Variants in TEX11 observed in about 807,000 individuals in gnomAD.
TEX11 encodes testis-expressed protein 11.
TEX11 carries 7 observed loss-of-function variants against 84.4 expected under a neutral mutation model. The observed-to-expected ratio is 0.08, with a 90% CI of 0.05 to 0.16. The LOEUF (loss-of-function observed/expected upper bound fraction) is 0.16, where lower values mean the gene tolerates loss of function less well. Among genes scored for constraint, TEX11 ranks in the 10% least tolerant of loss-of-function variants. The probability of loss-of-function intolerance (pLI) is 1.00; values close to 1 mark genes in which losing one functional copy is unlikely to be tolerated. For synonymous variants in TEX11, 264 were observed against 222.8 expected (o/e 1.18, Z -1.64); for missense variants, 551 against 660.5 (o/e 0.83, Z 1.82).
At chrX:70,633,481 A>G (rs2089534113) in intron 17 of TEX11, among the ~76,000 whole-genome samples, 1 of 112,061 alleles carries the variant, frequency 8.9e-6, no homozygotes, top group Non-Finnish European at 1.9e-5. Flanking sequence ...GGAAAAAGAT[A>G]AGGATGTCCA....
At position 70,722,642 on chromosome X, in the gene TEX11, G is replaced by A. The variant is rs1391048608; in HGVS notation, c.980C>T (p.Ala327Val). 2 of 1,203,834 alleles carry A rather than the reference G, an allele frequency of 1.7e-6. No individual in the cohort carries two copies. The highest frequency in any genetic ancestry group is 1.8e-5 in the African/African-American group (1 of 56,988). The change falls in exon 13 of 30, where the codon GCT (alanine) becomes GTT (valine). Residue 327 changes from alanine (A) to valine (V), a missense_variant. Ala to Val is a moderately conservative substitution (Grantham distance 64). Transcript: ENST00000374333. ...CCTTTCATGATCCATCAGCAGTTTA[G>A]CAATGTTCAGACAGAAGTCTAAGGG... ...DMPLDFCLNIAKLLMDHERES... is the reference protein window; with the variant it reads ...DMPLDFCLNIVKLLMDHERES...
At chrX:70,528,840 T>TG (rs1181018111), downstream of TEX11, 1 of 350,015 alleles carries the variant, frequency 2.9e-6, no homozygotes, top group Non-Finnish European at 4.9e-6. Flanking sequence ...TTTGTTCAGA[T>TG]GGGGCATAAA....
intron 5 of TEX11, among the ~76,000 whole-genome samples, chrX:70,857,702 T>A (rs1417232312): frequency 8.9e-6 from 1 of 111,874 alleles, no homozygotes; most frequent in Admixed American, 9.5e-5. Context: ...AAAGTGAAAA[T>A]CCTGCAGAAC....
chrX:70,856,678 C>A (rs1329709665), intron 5 of TEX11, among the ~76,000 whole-genome samples: 1 of 110,724 alleles, frequency 9.0e-6, no homozygotes, highest in African/African-American at 3.3e-5. Context: ...TGACAAAAAT[C>A]AAACCTGTAT....
chrX:70,715,555 T>C (rs1233836340), intron 13 of TEX11, among the ~76,000 whole-genome samples: 1 of 112,093 alleles, frequency 8.9e-6, no homozygotes, highest in African/African-American at 3.2e-5. Flanking sequence ...CTTCCACTAC[T>C]GATACCCTTT....
In TEX11 at chrX:70,722,612, C is replaced by G; in HGVS notation, c.1004+6G>C. On this transcript the variant is annotated splice_donor_region_variant and intron_variant, in intron 13 of 29. Coordinates refer to ENST00000374333, the MANE Select transcript of TEX11 (RefSeq NM_031276.3). Reference sequence around the variant, plus strand: ...GTCTTTAGAGAAAGGGAAATCAATTCTGTACCTTTCATGATCCATCAGCAG... The same window carrying G: ...GTCTTTAGAGAAAGGGAAATCAATTGTGTACCTTTCATGATCCATCAGCAG... The G allele has an allele frequency of 1.7e-6, 2 of 1,198,275 alleles. No homozygotes were observed. The highest frequency in any genetic ancestry group is 2.3e-6 in the Non-Finnish European group (2 of 884,800).
chrX:70,702,550 C>A (rs951914610), intron 13 of TEX11, among the ~76,000 whole-genome samples: 2 of 111,774 alleles, frequency 1.8e-5, no homozygotes, highest in African/African-American at 6.5e-5. Context: ...GAACCAAATG[C>A]ATATCTCTGA....
chrX:70,572,679 T>G (rs372658997), intron 25 of TEX11, among the ~76,000 whole-genome samples: 1 of 109,843 alleles, frequency 9.1e-6, no homozygotes, highest in African/African-American at 3.3e-5. Context: ...CCATAAAAAA[T>G]GATGAGTTCA....
At chrX:70,591,928 T>C in intron 24 of TEX11, 105 bp from the exon 25 acceptor site, 1 of 527,387 alleles carries the variant, frequency 1.9e-6, no homozygotes, top group Non-Finnish European at 3.0e-6. Context: ...TAAAAATAAA[T>C]TAATAGAAAA....
At chrX:70,714,198 T>A (rs1424421305) in intron 13 of TEX11, among the ~76,000 whole-genome samples, 2 of 110,597 alleles carry the variant, frequency 1.8e-5, no homozygotes, top group Non-Finnish European at 3.8e-5. Context: ...TGCTGAGGAG[T>A]GCTTTACTTC....
At chrX:70,532,607 G>A (rs777547217) in intron 28 of TEX11, among the ~76,000 whole-genome samples, 1 of 112,316 alleles carries the variant, frequency 8.9e-6, no homozygotes, top group South Asian at 3.7e-4. Context: ...GATGGCACAT[G>A]CCTGTAATCC....
intron 13 of TEX11, among the ~76,000 whole-genome samples, chrX:70,713,757 G>A (rs1410884151): frequency 2.7e-5 from 3 of 111,096 alleles, no homozygotes; most frequent in Admixed American, 9.6e-5. Flanking sequence ...TGGATTCATT[G>A]AGTTTTTGAA....
chrX:70,533,868 C>T (rs777368246), intron 28 of TEX11, among the ~76,000 whole-genome samples: 2 of 109,924 alleles, frequency 1.8e-5, no homozygotes, highest in Non-Finnish European at 3.8e-5. Context: ...CCGAGGTGGG[C>T]GGATCACGAG....
At chrX:70,668,629 T>G (rs2089997088) in intron 16 of TEX11, among the ~76,000 whole-genome samples, 1 of 112,609 alleles carries the variant, frequency 8.9e-6, no homozygotes, top group Admixed American at 9.4e-5. Context: ...ACACCTGGTT[T>G]ACTGTTCTCC....
intron 9 of TEX11, among the ~76,000 whole-genome samples, chrX:70,785,318 A>C (rs1429304535): frequency 1.8e-5 from 2 of 112,115 alleles, no homozygotes; most frequent in African/African-American, 3.2e-5. Context: ...CTTATACAAA[A>C]ATTAATTCAA....
At chrX:70,680,153 G>A (rs2147654872) in intron 14 of TEX11, among the ~76,000 whole-genome samples, 1 of 75,568 alleles carries the variant, frequency 1.3e-5, no homozygotes, top group African/African-American at 4.9e-5. Flanking sequence ...GGGAAAGGTG[G>A]GGAAAAGATT....
intron 9 of TEX11, among the ~76,000 whole-genome samples, chrX:70,789,307 G>A (rs1428629347): frequency 8.9e-6 from 1 of 111,929 alleles, no homozygotes; most frequent in Non-Finnish European, 1.9e-5. Flanking sequence ...TAAAACCACA[G>A]TGAGGGCAGG....
intron 2 of TEX11, among the ~76,000 whole-genome samples, chrX:70,888,607 C>G (rs1315488266): frequency 9.0e-6 from 1 of 111,071 alleles, no homozygotes; most frequent in East Asian, 2.8e-4. Context: ...AAGAGCAAAG[C>G]TAATAGTTAT....
At chrX:70,815,245 G>C (rs1455203061) in intron 8 of TEX11, among the ~76,000 whole-genome samples, 1 of 112,216 alleles carries the variant, frequency 8.9e-6, no homozygotes. Context: ...ATAAAAGTAA[G>C]TATATGCAAA....
Sources: gnomAD v4.1 joint callset for allele counts (sites outside exome capture counted in the v4.1 genomes callset) on GRCh38, gnomAD v4.1.1 for gene constraint, MANE v1.5 for transcripts, NCBI Gene and HGNC (gene_info 2026-07-23, HGNC 2026-07-21) for gene names.